AUTS2: variants seen among roughly 807,000 people sequenced by gnomAD.
The protein encoded by AUTS2 is autism susceptibility gene 2 protein.
AUTS2 carries 17 observed loss-of-function variants against 112.4 expected under a neutral mutation model. The ratio of observed to expected loss-of-function variants is 0.15; its 90% confidence interval spans 0.10 to 0.23. The LOEUF (loss-of-function observed/expected upper bound fraction) is 0.23, where lower values mean the gene tolerates loss of function less well. AUTS2 is among the 10% of genes least tolerant of loss of function. The pLI, the probability that AUTS2 is intolerant of heterozygous loss-of-function variation, is 1.00. For missense variants in AUTS2, 1,510 were observed against 1,701.6 expected, an observed-to-expected ratio of 0.89 and a Z score of 1.98; for synonymous variants, 751 against 702.7, an observed-to-expected ratio of 1.07 and a Z score of -1.09.
intron 1 of AUTS2, among the ~76,000 whole-genome samples, chr7:69,655,002 T>G (rs1795458546): frequency 6.6e-6 from 1 of 152,138 alleles, no homozygotes; most frequent in South Asian, 2.1e-4. Context: ...GCTCCTGTCT[T>G]AGCAATACAT....
intron 4 of AUTS2, among the ~76,000 whole-genome samples, chr7:70,406,969 A>G (rs1405717654): frequency 6.6e-6 from 1 of 152,188 alleles, no homozygotes; most frequent in South Asian, 2.1e-4. Context: ...AAACCTACTG[A>G]TTTGTTAAGT....
At chr7:70,028,450 C>T (rs942685415) in intron 2 of AUTS2, among the ~76,000 whole-genome samples, 2 of 152,130 alleles carry the variant, frequency 1.3e-5, no homozygotes, top group South Asian at 2.1e-4. Flanking sequence ...ATAGATCATT[C>T]TATGTTTTAA....
At chr7:70,355,000 GTGTGTGTGTATGTA>G (rs1791931595) in intron 4 of AUTS2, among the ~76,000 whole-genome samples, 1 of 150,550 alleles carries the variant, frequency 6.6e-6, no homozygotes, top group Non-Finnish European at 1.5e-5. Context: ...GTGTGTATGG[GTGTGTGTGTATGTA>G]TGTGTGTGTG....
At chr7:70,771,744 C>A in intron 11 of AUTS2, 100 bp downstream of exon 11, 1 of 1,013,340 alleles carries the variant, frequency 9.9e-7, no homozygotes, top group Non-Finnish European at 1.5e-6. Flanking sequence ...TGCAGTGACT[C>A]ATTAATCAGG....
intron 2 of AUTS2, among the ~76,000 whole-genome samples, chr7:69,905,333 G>A (rs1361776574): frequency 1.3e-5 from 2 of 152,280 alleles, no homozygotes; most frequent in East Asian, 3.9e-4. Flanking sequence ...GCAAGTACCA[G>A]TAGAATATAT....
At chr7:69,853,352 A>C (rs946691969) in intron 1 of AUTS2, among the ~76,000 whole-genome samples, 18 of 152,132 alleles carry the variant, frequency 1.2e-4, no homozygotes, top group African/African-American at 4.1e-4. Flanking sequence ...TATTTGCTTG[A>C]TTGATTGACT....
intron 1 of AUTS2, among the ~76,000 whole-genome samples, chr7:69,843,446 G>A (rs1792065593): frequency 6.6e-6 from 1 of 152,130 alleles, no homozygotes. Context: ...TGTTAGAGAA[G>A]ATTATAAACT....
chr7:70,033,148 A>T (rs193163695), intron 2 of AUTS2, among the ~76,000 whole-genome samples: 76 of 152,248 alleles, frequency 5.0e-4, no homozygotes, highest in African/African-American at 1.8e-3. Context: ...TATAATAAAA[A>T]CCATTGAGTT....
chr7:69,921,043 T>A (rs1795788518), intron 2 of AUTS2, among the ~76,000 whole-genome samples: 1 of 152,244 alleles, frequency 6.6e-6, no homozygotes, highest in African/African-American at 2.4e-5. Flanking sequence ...GTATTTGTGA[T>A]CTTGGGCTAG....
At chr7:70,523,632 C>T (rs955984522) in intron 5 of AUTS2, among the ~76,000 whole-genome samples, 1 of 152,200 alleles carries the variant, frequency 6.6e-6, no homozygotes, top group Admixed American at 6.5e-5. Flanking sequence ...GGCATTCAGA[C>T]TTGCTGCCCT....
At chr7:69,795,402 A>T (rs924094222) in intron 1 of AUTS2, among the ~76,000 whole-genome samples, 1 of 152,176 alleles carries the variant, frequency 6.6e-6, no homozygotes, top group Non-Finnish European at 1.5e-5. Flanking sequence ...TCTTGTAGCC[A>T]GGCGGAGTGG....
chr7:69,858,069 C>A (rs1429324500), intron 1 of AUTS2, among the ~76,000 whole-genome samples: 1 of 152,184 alleles, frequency 6.6e-6, no homozygotes, highest in Non-Finnish European at 1.5e-5. Flanking sequence ...TGTCTACCCC[C>A]AGTCTGTTCT....
chr7:70,370,119 A>G (rs904448060), intron 4 of AUTS2, among the ~76,000 whole-genome samples: 2 of 152,236 alleles, frequency 1.3e-5, no homozygotes, highest in Non-Finnish European at 2.9e-5. Flanking sequence ...CAACACAGGC[A>G]TCAAAGGAGA....
At chr7:70,222,428 T>G (rs1811534351) in intron 4 of AUTS2, among the ~76,000 whole-genome samples, 1 of 152,166 alleles carries the variant, frequency 6.6e-6, no homozygotes, top group Admixed American at 6.5e-5. Flanking sequence ...TTGTCTATTG[T>G]AAAAGAAGGA....
chr7:70,126,658 G>C (rs1313954434), intron 3 of AUTS2, among the ~76,000 whole-genome samples: 3 of 152,294 alleles, frequency 2.0e-5, no homozygotes, highest in Admixed American at 6.5e-5. Flanking sequence ...TTTTGTAACT[G>C]AGGAAATTTG....
rs113944244 is a variant in AUTS2, at chr7:70,304,955, C to G, written c.661-130797C>G. Among the ~76,000 whole-genome samples the G allele has an allele frequency of 3.0e-4, 45 of 152,116 alleles. 3 individuals carry two copies. The highest frequency in any genetic ancestry group is 9.9e-4 in the African/African-American group (41 of 41,500). ...TCAAGAAAAACATTTAAATTGTGCT[C>G]ATAGTGAAACTGAGAGGTGACCACT... On this transcript the variant is annotated intron_variant, in intron 4 of 18. Transcript: ENST00000342771.
intron 2 of AUTS2, among the ~76,000 whole-genome samples, chr7:70,025,450 C>CTTTTT (rs970909285): frequency 4.5e-5 from 6 of 134,496 alleles, no homozygotes; most frequent in Non-Finnish European, 8.1e-5. Context: ...TTTTTGTTTC[C>CTTTTT]TTTTTTTTTT....
chr7:70,231,158 A>C (rs1339296760), intron 4 of AUTS2, among the ~76,000 whole-genome samples: 1 of 152,166 alleles, frequency 6.6e-6, no homozygotes, highest in African/African-American at 2.4e-5. Flanking sequence ...TTTTGTGGCA[A>C]GGATTTGCCA....
chr7:70,763,422 A>G, intron 7 of AUTS2, 81 bp downstream of exon 7: 1 of 953,862 alleles, frequency 1.0e-6, no homozygotes, highest in African/African-American at 1.6e-5. Flanking sequence ...AGGGATCCCT[A>G]GGGAGACTGA....
Sources: allele counts gnomAD v4.1 joint callset (sites outside exome capture counted in the v4.1 genomes callset), GRCh38; gene constraint gnomAD v4.1.1; transcripts MANE v1.5; gene names NCBI Gene and HGNC (gene_info 2026-07-23, HGNC 2026-07-21).